Variants in RABGAP1L observed in about 807,000 individuals in gnomAD.
RABGAP1L encodes the protein RAB GTPase activating protein 1 like.
A neutral mutation model predicts 137.7 loss-of-function variants in RABGAP1L; 63 were observed. That is an observed-to-expected ratio of 0.46 (90% CI 0.37 to 0.56). The LOEUF (loss-of-function observed/expected upper bound fraction) is 0.56, where lower values mean the gene tolerates loss of function less well. RABGAP1L is among the 20% of genes least tolerant of loss of function. RABGAP1L has a pLI of 0.00. For missense variants in RABGAP1L, 1,095 were observed against 1,244.0 expected (o/e 0.88, Z 1.80); for synonymous variants, 431 against 433.7 (o/e 0.99, Z 0.08).
chr1:174,808,032 G>A (rs375338497), intron 18 of RABGAP1L, among the ~76,000 whole-genome samples: 143 of 148,392 alleles, frequency 9.6e-4, no homozygotes, highest in African/African-American at 3.3e-3. Context: ...AGGCTGGAGT[G>A]CAGTGCAGTG....
chr1:174,870,772 C>T (rs1652050520), intron 19 of RABGAP1L, among the ~76,000 whole-genome samples: 1 of 148,772 alleles, frequency 6.7e-6, no homozygotes, highest in African/African-American at 2.5e-5. Flanking sequence ...GAGTCTCGCT[C>T]TGTTGCCCAG....
intron 13 of RABGAP1L, among the ~76,000 whole-genome samples, chr1:174,540,998 G>A (rs371894474): frequency 6.6e-6 from 1 of 152,142 alleles, no homozygotes; most frequent in South Asian, 2.1e-4. Flanking sequence ...TCTCCTTGAA[G>A]AGGTCCTTCA....
intron 10 of RABGAP1L, among the ~76,000 whole-genome samples, chr1:174,287,624 C>T (rs1425776141): frequency 2.0e-5 from 3 of 152,126 alleles, no homozygotes; most frequent in Non-Finnish European, 2.9e-5. Flanking sequence ...CCCCGAGTAG[C>T]TGGGATTACA....
At chr1:174,859,262 A>G (rs1301640636) in intron 19 of RABGAP1L, among the ~76,000 whole-genome samples, 1 of 152,114 alleles carries the variant, frequency 6.6e-6, no homozygotes, top group Non-Finnish European at 1.5e-5. Flanking sequence ...CGGGTGGATC[A>G]TGAGGTCAGG....
intron 1 of RABGAP1L, among the ~76,000 whole-genome samples, chr1:174,166,117 C>T (rs904653760): frequency 6.6e-6 from 1 of 152,046 alleles, no homozygotes; most frequent in Admixed American, 6.5e-5. Flanking sequence ...CATAAGTATC[C>T]TTAGAGTAGA....
At chr1:174,546,347 G>A (rs1410954483) in intron 13 of RABGAP1L, among the ~76,000 whole-genome samples, 17 of 152,172 alleles carry the variant, frequency 1.1e-4, no homozygotes, top group Admixed American at 1.0e-3. Flanking sequence ...AGTAGTGTAT[G>A]TAGGTAGCCT....
intron 13 of RABGAP1L, among the ~76,000 whole-genome samples, chr1:174,447,773 A>C (rs553456805): frequency 6.6e-6 from 1 of 151,856 alleles, no homozygotes; most frequent in African/African-American, 2.4e-5. Context: ...TAAGAAGTCT[A>C]TTTTCTCTAG....
At chr1:174,252,898 C>T (rs1447729133) in intron 7 of RABGAP1L, among the ~76,000 whole-genome samples, 2 of 151,988 alleles carry the variant, frequency 1.3e-5, no homozygotes, top group Non-Finnish European at 1.5e-5. Flanking sequence ...CAATCACTTT[C>T]GATTACTCTT....
At chr1:174,467,602 T>C (rs566688186) in intron 13 of RABGAP1L, among the ~76,000 whole-genome samples, 16 of 152,110 alleles carry the variant, frequency 1.1e-4, no homozygotes, top group Non-Finnish European at 2.4e-4. Flanking sequence ...GTATGACAAG[T>C]ACTGTAAATA....
chr1:174,855,653 C>G (rs1470848769), intron 19 of RABGAP1L, among the ~76,000 whole-genome samples: 2 of 152,200 alleles, frequency 1.3e-5, no homozygotes, highest in African/African-American at 2.4e-5. Flanking sequence ...GCCTCATTTT[C>G]TGCCCCTATT....
chr1:174,290,110 C>G (rs1418869229), intron 10 of RABGAP1L, among the ~76,000 whole-genome samples: 5 of 152,138 alleles, frequency 3.3e-5, no homozygotes, highest in East Asian at 1.9e-4. Context: ...ACTGGGAAAC[C>G]TAGACACCCA....
chr1:174,888,251 A>G (rs75747008), intron 19 of RABGAP1L, among the ~76,000 whole-genome samples: 3,150 of 152,286 alleles, frequency 0.021, 118 homozygotes, highest in African/African-American at 0.073. Context: ...ACAGTGGATT[A>G]TTGGCTACAT....
intron 18 of RABGAP1L, among the ~76,000 whole-genome samples, chr1:174,782,301 C>G (rs1687077204): frequency 6.6e-6 from 1 of 152,042 alleles, no homozygotes; most frequent in Non-Finnish European, 1.5e-5. Flanking sequence ...AAGTTGGATT[C>G]CTAGGTATTT....
At chr1:174,885,611 C>T (rs1172897778) in intron 19 of RABGAP1L, among the ~76,000 whole-genome samples, 1 of 151,728 alleles carries the variant, frequency 6.6e-6, no homozygotes, top group East Asian at 2.0e-4. Flanking sequence ...CCCCCTCGGC[C>T]TCCCAAAGTG....
intron 7 of RABGAP1L, among the ~76,000 whole-genome samples, chr1:174,262,572 A>G (rs1020617383): frequency 4.6e-5 from 7 of 152,220 alleles, no homozygotes; most frequent in African/African-American, 1.7e-4. Flanking sequence ...ATAGTACAGT[A>G]TCACAGCTAG....
At chr1:174,550,995 T>TATACAC (rs1553330277) in intron 13 of RABGAP1L, among the ~76,000 whole-genome samples, 1 of 64,442 alleles carries the variant, frequency 1.6e-5, no homozygotes, top group Non-Finnish European at 2.5e-5. Context: ...TATATATATA[T>TATACAC]ACACATATAT....
At chr1:174,926,917 A>T (rs1179605198) in intron 19 of RABGAP1L, among the ~76,000 whole-genome samples, 1 of 152,040 alleles carries the variant, frequency 6.6e-6, no homozygotes, top group Non-Finnish European at 1.5e-5. Flanking sequence ...TACTAAAAAT[A>T]CAAAAATTAG....
intron 18 of RABGAP1L, among the ~76,000 whole-genome samples, chr1:174,779,204 A>G (rs1686764185): frequency 6.6e-6 from 1 of 152,176 alleles, no homozygotes; most frequent in Non-Finnish European, 1.5e-5. Context: ...TTTATCTCAT[A>G]TATCATCTCC....
intron 6 of RABGAP1L, 51 bp downstream of exon 6, chr1:174,250,683 T>C: frequency 2.0e-6 from 3 of 1,507,902 alleles, no homozygotes; most frequent in East Asian, 2.3e-5. Flanking sequence ...GAGTATAATA[T>C]AGGCGCATAT....
Sources: gnomAD v4.1 joint callset for allele counts (sites outside exome capture counted in the v4.1 genomes callset) on GRCh38, gnomAD v4.1.1 for gene constraint, MANE v1.5 for transcripts, NCBI Gene and HGNC (gene_info 2026-07-23, HGNC 2026-07-21) for gene names.